The following FSTL1 variants were observed in gnomAD, a reference collection of about 807,000 sequenced individuals.
FSTL1 encodes the protein follistatin like 1, also known as follistatin-related protein 1.
A neutral mutation model predicts 45.9 loss-of-function variants in FSTL1; 24 were observed. That is an observed-to-expected ratio of 0.52 (90% CI 0.38 to 0.74). The LOEUF is 0.74. FSTL1 is among the 30% of genes least tolerant of loss of function. FSTL1 has a pLI of 0.00. For missense variants in FSTL1, 340 were observed against 381.8 expected, an observed-to-expected ratio of 0.89 and a Z score of 0.91; for synonymous variants, 120 against 137.6, an observed-to-expected ratio of 0.87 and a Z score of 0.89.
rs572499870 is a variant in FSTL1, at chr3:120,446,026, G to A, written c.63+4658C>T. ...GGACATTAATCATCTGGCTTACAAAGTGAACCTATCTAATGTACTTTTTTT... is the reference window on the plus strand; with the variant it reads ...GGACATTAATCATCTGGCTTACAAAATGAACCTATCTAATGTACTTTTTTT... On this transcript the variant is annotated intron_variant, in intron 2 of 10. Transcript: ENST00000295633. Among the ~76,000 whole-genome samples, 41 of 150,908 alleles carry A rather than the reference G, an allele frequency of 2.7e-4. 1 individual carries two copies. The highest frequency in any genetic ancestry group is 9.8e-4 in the Admixed American group (15 of 15,290).
chr3:120,443,496 CA>C (rs746414773), intron 2 of FSTL1, among the ~76,000 whole-genome samples: 2 of 149,788 alleles, frequency 1.3e-5, no homozygotes, highest in Non-Finnish European at 2.9e-5. Context: ...AGAGGAAAGA[CA>C]GGGGAAAAGA....
At chr3:120,406,637 G>A (rs1377507536) in intron 6 of FSTL1, among the ~76,000 whole-genome samples, 2 of 152,198 alleles carry the variant, frequency 1.3e-5, no homozygotes, top group Non-Finnish European at 2.9e-5. Context: ...GTTGTATGTA[G>A]AATCCACAGG....
chr3:120,433,588 C>A (rs1001852545), intron 2 of FSTL1, among the ~76,000 whole-genome samples: 1 of 152,164 alleles, frequency 6.6e-6, no homozygotes, highest in Non-Finnish European at 1.5e-5. Flanking sequence ...AAGCCCTATT[C>A]TAAAGGAGTA....
At chr3:120,445,248 C>T (rs936792763) in intron 2 of FSTL1, among the ~76,000 whole-genome samples, 2 of 149,770 alleles carry the variant, frequency 1.3e-5, no homozygotes, top group Non-Finnish European at 2.9e-5. Flanking sequence ...CAAGGAAAGC[C>T]ATTTATTGTT....
chr3:120,444,738 G>T (rs1937700460), intron 2 of FSTL1, among the ~76,000 whole-genome samples: 1 of 149,930 alleles, frequency 6.7e-6, no homozygotes, highest in South Asian at 2.1e-4. Context: ...CTAGAGCAAA[G>T]AATAAAATGA....
At chr3:120,434,602 G>T (rs1274660540) in intron 2 of FSTL1, among the ~76,000 whole-genome samples, 1 of 152,138 alleles carries the variant, frequency 6.6e-6, no homozygotes, top group Non-Finnish European at 1.5e-5. Flanking sequence ...TCCTTCTAGA[G>T]TCATAAACGC....
chr3:120,429,619 A>G (rs1937443108), intron 2 of FSTL1, among the ~76,000 whole-genome samples: 1 of 152,168 alleles, frequency 6.6e-6, no homozygotes, highest in Admixed American at 6.5e-5. Flanking sequence ...ATTTTTCAAT[A>G]CTCAAAAGAC....
chr3:120,450,812 C>A, intron 1 of FSTL1, 66 bp from the exon 2 acceptor site: 1 of 1,239,570 alleles, frequency 8.1e-7, no homozygotes, highest in South Asian at 1.4e-5. Flanking sequence ...GAAACTTGCT[C>A]GGGTCCCGCA....
rs189440252 is a variant in FSTL1 at position 120,431,252 on chromosome 3, T to C, written c.64-15225A>G. Among the ~76,000 whole-genome samples the C allele has an allele frequency of 1.4e-3, 217 of 152,316 alleles. 1 individual carries two copies. Among genetic ancestry groups the C allele is most frequent in the African/African-American group, 4.9e-3 (204 of 41,576 alleles). On this transcript the variant is annotated intron_variant, in intron 2 of 10. Transcript: ENST00000295633. ...TCCCAAAGTGCTGGGATTATAGTTG[T>C]GAGCCACCGCACCCGGCCTCTGGAA...
At chr3:120,416,075 T>C (rs1460325412) in intron 2 of FSTL1, 48 bp from the exon 3 acceptor site, 3 of 1,271,904 alleles carry the variant, frequency 2.4e-6, no homozygotes, top group Admixed American at 3.4e-5. Context: ...GATGAACCCA[T>C]TATGGAATGA....
chr3:120,429,065 C>T (rs1016913866), intron 2 of FSTL1, among the ~76,000 whole-genome samples: 4 of 152,218 alleles, frequency 2.6e-5, no homozygotes, highest in Non-Finnish European at 5.9e-5. Context: ...AAGGAAATGC[C>T]AGTGGTGTTC....
chr3:120,409,474 G>A, intron 6 of FSTL1, 58 bp downstream of exon 6: 2 of 1,502,872 alleles, frequency 1.3e-6, no homozygotes, highest in Non-Finnish European at 1.8e-6. Flanking sequence ...CGGGCAATGG[G>A]AGGAGGAAGC....
intron 6 of FSTL1, among the ~76,000 whole-genome samples, chr3:120,407,627 G>C (rs530472566): frequency 2.0e-5 from 3 of 152,198 alleles, no homozygotes; most frequent in Non-Finnish European, 2.9e-5. Flanking sequence ...GTCTCTTTGA[G>C]ATATCAGACC....
In FSTL1 at chr3:120,443,984, G is replaced by C. The variant is rs923883564; in HGVS notation, c.63+6700C>G. The stretch of plus-strand genomic sequence containing the variant: ...GACAGCAGCAGCTCTTAGAACTTTA[G>C]CAAGAGCAACTGTTTACTTCATCAG... On this transcript the variant is annotated intron_variant, in intron 2 of 10. Transcript: ENST00000295633. Among the ~76,000 whole-genome samples, 7 of 150,092 alleles carry C rather than the reference G, an allele frequency of 4.7e-5. 1 individual carries two copies. Among genetic ancestry groups the C allele is most frequent in the Middle Eastern group, 6.8e-3 (2 of 294 alleles).
intron 2 of FSTL1, chr3:120,438,515 T>G (rs1272395121): frequency 6.6e-6 from 1 of 152,246 alleles, no homozygotes; most frequent in East Asian, 1.9e-4. Context: ...ATTCACTCTG[T>G]TTTCTCATTC....
intron 9 of FSTL1, 25 bp downstream of exon 9, chr3:120,402,783 T>TCTTTC: frequency 7.4e-7 from 1 of 1,343,086 alleles, no homozygotes; most frequent in Non-Finnish European, 1.1e-6. Context: ...TGCTGTTTTT[T>TCTTTC]CTTTCTGCTT....
chr3:120,403,478 T>G, intron 7 of FSTL1, 124 bp from the exon 8 acceptor site: 1 of 625,410 alleles, frequency 1.6e-6, no homozygotes. Context: ...GACTGCTAAC[T>G]AAAACAGCCT....
intron 2 of FSTL1, among the ~76,000 whole-genome samples, chr3:120,442,159 C>T (rs1937636102): frequency 6.6e-6 from 1 of 152,224 alleles, no homozygotes; most frequent in Non-Finnish European, 1.5e-5. Flanking sequence ...GTTGACTATA[C>T]ACCATGAGTA....
intron 2 of FSTL1, among the ~76,000 whole-genome samples, chr3:120,439,550 G>C (rs373973214): frequency 2.2e-4 from 33 of 152,318 alleles, no homozygotes; most frequent in African/African-American, 7.9e-4. Flanking sequence ...ATGTAGAAAT[G>C]ACTGCCATAG....
Sources: allele counts gnomAD v4.1 joint callset (sites outside exome capture counted in the v4.1 genomes callset), GRCh38; gene constraint gnomAD v4.1.1; transcripts MANE v1.5; gene names NCBI Gene and HGNC (gene_info 2026-07-23, HGNC 2026-07-21).